Variants in HIVEP2 observed in about 807,000 individuals in gnomAD.
HIVEP2 encodes the protein transcription factor HIVEP2.
Under a neutral mutation model 180.7 loss-of-function variants are expected in HIVEP2, and 14 were observed. That is an observed-to-expected ratio of 0.08 (90% CI 0.05 to 0.12). HIVEP2 has a LOEUF of 0.12. Ranked by LOEUF, HIVEP2 falls within the 10% of genes least tolerant of loss-of-function variation. HIVEP2 has a pLI of 1.00. For synonymous variants in HIVEP2, 1,184 were observed against 1,136.4 expected (o/e 1.04, Z -0.84); for missense variants, 2,579 against 3,008.5 (o/e 0.86, Z 3.34).
chr6:142,928,399 C>T (rs1777864021), intron 1 of HIVEP2, among the ~76,000 whole-genome samples: 2 of 152,172 alleles, frequency 1.3e-5, no homozygotes, highest in South Asian at 2.1e-4. Context: ...AGTTCATCCT[C>T]GGTTCTACTG....
chr6:142,932,312 T>A (rs1203443312), intron 1 of HIVEP2, among the ~76,000 whole-genome samples: 1 of 152,230 alleles, frequency 6.6e-6, no homozygotes, highest in African/African-American at 2.4e-5. Flanking sequence ...TCAATTTGCA[T>A]TACATTATTA....
chr6:142,900,418 G>T (rs1029807826), intron 1 of HIVEP2, among the ~76,000 whole-genome samples: 1 of 152,154 alleles, frequency 6.6e-6, no homozygotes, highest in Admixed American at 6.5e-5. Context: ...GGGCCACACG[G>T]TATTTAAGTA....
chr6:142,753,207 C>G lies in HIVEP2; in HGVS notation c.7241G>C (p.Cys2414Ser). 6.2e-7 allele frequency: 1 copy of G among 1,614,062 alleles called. No homozygotes were observed. The highest frequency in any genetic ancestry group is 8.5e-7 in the Non-Finnish European group (1 of 1,179,888). ...AAAGTCCAACTGCTTGTCATCCACACAACTCTTGCTGTAAAACGTGGAGTG... is the reference window on the plus strand; with the variant it reads ...AAAGTCCAACTGCTTGTCATCCACAGAACTCTTGCTGTAAAACGTGGAGTG... ...LAHSTFYSKSCVDDKQLDFHS... is the reference protein window; with the variant it reads ...LAHSTFYSKSSVDDKQLDFHS... The change falls in exon 10 of 10, where the codon TGT (cysteine) becomes TCT (serine). Residue 2414 changes from cysteine (C) to serine (S), a missense_variant. Transcript: ENST00000367603.
chr6:142,775,051 A>G lies in HIVEP2; in HGVS notation c.-313T>C. 1 of 1,091,932 alleles carries G rather than the reference A, an allele frequency of 9.2e-7. No homozygotes were observed. Among genetic ancestry groups the G allele is most frequent in the Non-Finnish European group, 1.1e-6 (1 of 897,198 alleles). 67.6% of individuals were successfully genotyped at this position (1,091,932 alleles called of 1,614,324 possible). A position where few individuals can be genotyped will look rare whatever the true frequency, so the allele number is the denominator to read the frequency against. On this transcript the variant is annotated 5_prime_UTR_variant, in exon 5 of 10. Transcript: ENST00000367603. ...TTTCAACTAGGATGAAATTGGGATG[A>G]TGAATAGTCTAGGAGAAATTTTGCC... is the stretch of plus-strand genomic sequence containing the variant.
chr6:142,867,794 G>A (rs187630815), intron 1 of HIVEP2, among the ~76,000 whole-genome samples: 2 of 152,158 alleles, frequency 1.3e-5, no homozygotes, highest in Non-Finnish European at 2.9e-5. Context: ...AGGTGGATTC[G>A]CATGCAAGAC....
chr6:142,872,636 T>C (rs1173675099), intron 1 of HIVEP2, among the ~76,000 whole-genome samples: 1 of 152,096 alleles, frequency 6.6e-6, no homozygotes, highest in African/African-American at 2.4e-5. Flanking sequence ...CATGTCTTTA[T>C]CTAACAACCA....
At chr6:142,914,546 CT>C (rs1271180242) in intron 1 of HIVEP2, among the ~76,000 whole-genome samples, 1 of 152,142 alleles carries the variant, frequency 6.6e-6, no homozygotes, top group African/African-American at 2.4e-5. Context: ...CACATTTTTA[CT>C]CATAAACTGT....
At chr6:142,888,949 T>G (rs1327228169) in intron 1 of HIVEP2, among the ~76,000 whole-genome samples, 1 of 152,208 alleles carries the variant, frequency 6.6e-6, no homozygotes, top group East Asian at 1.9e-4. Flanking sequence ...TACTGCTCAT[T>G]CCATCAAAAC....
chr6:142,760,956 G>T (rs557629790), intron 8 of HIVEP2, among the ~76,000 whole-genome samples: 5 of 152,276 alleles, frequency 3.3e-5, no homozygotes, highest in African/African-American at 1.2e-4. Flanking sequence ...AATGAGCATG[G>T]ATAATGTTAA....
intron 2 of HIVEP2, among the ~76,000 whole-genome samples, chr6:142,805,371 C>T (rs1370817456): frequency 7.1e-6 from 1 of 140,538 alleles, no homozygotes; most frequent in Non-Finnish European, 1.5e-5. Context: ...CCCCTGAAAT[C>T]CCAGCCAGCC....
chr6:142,922,040 T>G (rs1325964229), intron 1 of HIVEP2, among the ~76,000 whole-genome samples: 1 of 152,208 alleles, frequency 6.6e-6, no homozygotes, highest in African/African-American at 2.4e-5. Flanking sequence ...TGACCCTTTC[T>G]TCATTTCCCT....
Position 142,771,296 on chromosome 6 carries a change from G to A in HIVEP2, c.3443C>T (p.Ser1148Leu), listed in dbSNP as rs370164929. Residue 1148 changes from serine (S) to leucine (L), a missense_variant, in exon 5 of 10, where the codon TCG (serine) becomes TTG (leucine). Coordinates refer to ENST00000367603, the MANE Select transcript of HIVEP2 (RefSeq NM_006734.4). This position sits in a 1 kb window ranked among gnomAD's most constrained non-coding sequence, Gnocchi z 5.4. ...TGGCTGGGCCAGGTGCAGTGGCCCC[G>A]AGCTCAGCGGGGGACAAGGACCCGC... is the stretch of plus-strand genomic sequence containing the variant. ...QVAGPCPPLS[S>L]GPLHLAQPQI... is the part of the protein sequence containing the mutation. 33 of 1,613,532 alleles carry A rather than the reference G, an allele frequency of 2.0e-5. No homozygotes were observed. Among genetic ancestry groups the A allele is most frequent in the East Asian group, 4.5e-5 (2 of 44,878 alleles).
rs538088133 is a variant in HIVEP2, at chr6:142,828,682, G to A, written c.-528+8253C>T. On this transcript the variant is annotated intron_variant, in intron 2 of 9. Coordinates refer to ENST00000367603, the MANE Select transcript of HIVEP2 (RefSeq NM_006734.4). ...CCTGACCTCGTGATCCACCCGCCTC[G>A]GCCTCCCAAAGTGCTGGGATGACAG... 3.3e-5 allele frequency among the ~76,000 whole-genome samples: 5 copies of A among 152,044 alleles called. No homozygotes were observed. The East Asian group carries it at 7.7e-4, about 24-fold the overall frequency.
chr6:142,815,268 G>A (rs745664127), intron 2 of HIVEP2, among the ~76,000 whole-genome samples: 8 of 152,064 alleles, frequency 5.3e-5, no homozygotes, highest in East Asian at 1.9e-4. Flanking sequence ...ACAGAACACC[G>A]CACTGCAACA....
At chr6:142,868,797 T>C (rs1257938028) in intron 1 of HIVEP2, among the ~76,000 whole-genome samples, 1 of 152,242 alleles carries the variant, frequency 6.6e-6, no homozygotes, top group Admixed American at 6.5e-5. Context: ...AATTGGATTA[T>C]ATTATGGTAA....
intron 1 of HIVEP2, among the ~76,000 whole-genome samples, chr6:142,876,522 A>C (rs1465001170): frequency 1.3e-5 from 2 of 152,186 alleles, no homozygotes; most frequent in Non-Finnish European, 2.9e-5. Flanking sequence ...CTGCATTAGT[A>C]GACAGCAAAA....
At chr6:142,830,314 C>A (rs1293029601) in intron 2 of HIVEP2, among the ~76,000 whole-genome samples, 2 of 151,916 alleles carry the variant, frequency 1.3e-5, no homozygotes, top group Non-Finnish European at 2.9e-5. Context: ...TCCAGCCTGC[C>A]AAAAAATGTT....
chr6:142,923,059 C>A (rs1308690867), intron 1 of HIVEP2, among the ~76,000 whole-genome samples: 1 of 152,086 alleles, frequency 6.6e-6, no homozygotes, highest in East Asian at 1.9e-4. Flanking sequence ...TTAGGCCAGG[C>A]GCGGTGGCTC....
chr6:142,757,613 G>A (rs1302045011), intron 9 of HIVEP2, among the ~76,000 whole-genome samples: 2 of 152,026 alleles, frequency 1.3e-5, no homozygotes, highest in South Asian at 2.1e-4. Context: ...AGCCAAGGTC[G>A]TGCCACTGCA....
Sources: gnomAD v4.1 joint callset for allele counts (sites outside exome capture counted in the v4.1 genomes callset) on GRCh38, gnomAD v4.1.1 for gene constraint, Gnocchi (gnomAD v3.1) non-coding constraint, MANE v1.5 for transcripts, NCBI Gene and HGNC (gene_info 2026-07-23, HGNC 2026-07-21) for gene names.